The following PPP2R5C variants were observed in gnomAD, a reference collection of about 807,000 sequenced individuals.
The protein encoded by PPP2R5C is protein phosphatase 2 regulatory subunit B'gamma, also known as serine/threonine-protein phosphatase 2A 56 kDa regulatory subunit gamma isoform.
A neutral mutation model predicts 68.9 loss-of-function variants in PPP2R5C; 7 were observed. The ratio of observed to expected loss-of-function variants is 0.10; its 90% CI spans 0.06 to 0.19. The LOEUF (loss-of-function observed/expected upper bound fraction) is 0.19, where lower values mean the gene tolerates loss of function less well. PPP2R5C is among the 10% of genes least tolerant of loss of function. The pLI is 1.00. For synonymous variants in PPP2R5C, 210 were observed against 222.2 expected, an observed-to-expected ratio of 0.95 and a Z score of 0.49; for missense variants, 348 against 641.3, an observed-to-expected ratio of 0.54 and a Z score of 4.94.
intron 1 of PPP2R5C, chr14:101,831,917 A>G (rs1242676223): frequency 1.2e-5 from 7 of 573,088 alleles, no homozygotes; most frequent in African/African-American, 1.8e-5. Context: ...TTTAAGCAGC[A>G]ATATTATGAT....
intron 2 of PPP2R5C, among the ~76,000 whole-genome samples, chr14:101,875,275 T>A (rs562607738): frequency 1.3e-5 from 2 of 152,312 alleles, no homozygotes; most frequent in South Asian, 4.1e-4. Context: ...CTCTCTTCAC[T>A]GCCGAGCACT....
Position 101,825,721 on chromosome 14 carries a change from A to G in PPP2R5C, c.94+15685A>G, listed in dbSNP as rs533540075. ...TGTAGTTAGCCTGTTCAGTTTTTGT[A>G]GGTGAATGGTAAAGCTGTCAAAACC... is the stretch of plus-strand genomic sequence containing the variant. On this transcript the variant is annotated intron_variant, in intron 1 of 13. Transcript: ENST00000334743. This position sits in a 1 kb window ranked among gnomAD's most constrained non-coding sequence, Gnocchi z 4.0. Among the ~76,000 whole-genome samples the G allele has an allele frequency of 9.8e-5, 15 of 152,304 alleles. No individual in the cohort carries two copies. In the East Asian group the frequency reaches 2.9e-3, roughly 29 times the overall value.
chr14:101,846,034 G>T (rs1038482048), intron 1 of PPP2R5C, among the ~76,000 whole-genome samples: 1 of 152,180 alleles, frequency 6.6e-6, no homozygotes. Context: ...CAGCATCCCT[G>T]GTGACAGGAA....
chr14:101,764,581 C>T (rs1310046028), intron 2 of PPP2R5C, among the ~76,000 whole-genome samples: 1 of 152,124 alleles, frequency 6.6e-6, no homozygotes, highest in Non-Finnish European at 1.5e-5. Flanking sequence ...ATCTGTTGCC[C>T]TCCCCAAAGC....
chr14:101,796,980 C>A (rs1400305953), intron 3 of PPP2R5C: 2 of 312,390 alleles, frequency 6.4e-6, no homozygotes, highest in African/African-American at 4.5e-5. Flanking sequence ...CATAAGTGTA[C>A]AACTCGGTGG....
At chr14:101,788,504 C>T (rs1382605504) in intron 3 of PPP2R5C, among the ~76,000 whole-genome samples, 3 of 152,214 alleles carry the variant, frequency 2.0e-5, no homozygotes, top group Non-Finnish European at 4.4e-5. Context: ...CCTCTTTCTA[C>T]ATCTGTTCTA....
At chr14:101,890,149 G>A (rs941319973) in intron 5 of PPP2R5C, 88 bp from the exon 8 acceptor site, 5 of 1,218,748 alleles carry the variant, frequency 4.1e-6, no homozygotes, top group Admixed American at 1.9e-5. Context: ...GCTTCTTGTT[G>A]CCTGGCTCCA....
chr14:101,867,907 T>C (rs2043182082), intron 2 of PPP2R5C, among the ~76,000 whole-genome samples: 1 of 152,234 alleles, frequency 6.6e-6, no homozygotes, highest in African/African-American at 2.4e-5. Flanking sequence ...TAATCCGCAC[T>C]GTCTGTAAGT....
chr14:101,897,375 T>G (rs905139551), intron 8 of PPP2R5C, among the ~76,000 whole-genome samples: 3 of 151,730 alleles, frequency 2.0e-5, no homozygotes, highest in Non-Finnish European at 4.4e-5. Context: ...TCTGAGGTAT[T>G]CTCCAAACTG....
intron 3 of PPP2R5C, among the ~76,000 whole-genome samples, chr14:101,790,635 T>G (rs555545868): frequency 6.6e-6 from 1 of 152,390 alleles, no homozygotes; most frequent in South Asian, 2.1e-4. Context: ...CACCAGTTAA[T>G]GGACATTTGG....
At chr14:101,787,627 C>G (rs934287975) in intron 3 of PPP2R5C, among the ~76,000 whole-genome samples, 4 of 151,874 alleles carry the variant, frequency 2.6e-5, no homozygotes, top group Non-Finnish European at 1.5e-5. Flanking sequence ...ATTAGCCAGG[C>G]GTGGTGGCGG....
At chr14:101,849,231 T>C (rs1469436047) in intron 1 of PPP2R5C, among the ~76,000 whole-genome samples, 1 of 152,234 alleles carries the variant, frequency 6.6e-6, no homozygotes, top group Non-Finnish European at 1.5e-5. Flanking sequence ...TCGGTTGTGA[T>C]GGACGTGTAT....
intron 2 of PPP2R5C, among the ~76,000 whole-genome samples, chr14:101,861,220 T>C (rs2042716887): frequency 6.6e-6 from 1 of 152,228 alleles, no homozygotes; most frequent in Non-Finnish European, 1.5e-5. Context: ...AACTTTGACA[T>C]ATCTAGCAGT....
rs567058377 is a variant in PPP2R5C at position 101,909,095 on chromosome 14, C to T, written c.1152-494C>T. ...GAACAATTTGGCCTCTTTCCCTCTCCATGCGTGTCAGAGCCTGAGAGCTAA... is the reference window on the plus strand; with the variant it reads ...GAACAATTTGGCCTCTTTCCCTCTCTATGCGTGTCAGAGCCTGAGAGCTAA... On this transcript the variant is annotated intron_variant, in intron 10 of 13. Transcript: ENST00000334743. 2.6e-5 allele frequency among the ~76,000 whole-genome samples: 4 copies of T among 152,310 alleles called. No individual in the cohort carries two copies. In the East Asian group the frequency reaches 7.7e-4, roughly 29 times the overall value.
Position 101,915,882 on chromosome 14 carries a change from GAC to G in PPP2R5C, c.1327-1941_1327-1940del, listed in dbSNP as rs1383089161. On this transcript the variant is annotated intron_variant, in intron 12 of 13. Transcript: ENST00000334743. This position sits in a 1 kb window ranked among gnomAD's most constrained non-coding sequence, Gnocchi z 4.2. The stretch of plus-strand genomic sequence containing the variant: ...TTATTCGTTCCCATCTCTAAAGAAA[GAC>G]ACACACAGTACGGGGGCCTGGCCTC... Among the ~76,000 whole-genome samples the G allele has an allele frequency of 1.3e-5, 2 of 152,220 alleles. No individual in the cohort carries two copies. Among genetic ancestry groups the G allele is most frequent in the African/African-American group, 4.8e-5 (2 of 41,466 alleles).
rs779796692 is a variant in PPP2R5C, at chr14:101,883,281, T to G, written c.430T>G (p.Phe144Val). ...GCTTGTTTATGAATTTTTCTTAAGATTTTTAGAGTCTCCAGATTTCCAACC... is the reference window on the plus strand; with the variant it reads ...GCTTGTTTATGAATTTTTCTTAAGAGTTTTAGAGTCTCCAGATTTCCAACC... Residue 144 changes from phenylalanine to valine, a missense_variant, in exon 4 of 14, where the codon TTT becomes GTT. By Grantham distance (50) the Phe-to-Val change is conservative. This residue lies in a region of PPP2R5C where 54 missense variants were observed against 201.8 expected (regional missense o/e 0.27). Coordinates refer to ENST00000334743, the Ensembl canonical transcript of PPP2R5C. 6 of 1,575,316 alleles carry G rather than the reference T, an allele frequency of 3.8e-6. No homozygotes were observed. The highest frequency in any genetic ancestry group is 2.8e-5 in the African/African-American group (2 of 72,522).
chr14:101,924,374 G>C (rs368190031), intron 13 of PPP2R5C, among the ~76,000 whole-genome samples: 10 of 148,872 alleles, frequency 6.7e-5, no homozygotes, highest in African/African-American at 2.2e-4. Flanking sequence ...CAATTTGATA[G>C]AAGTTTGAAA....
chr14:101,827,716 G>A (rs2040481416), intron 1 of PPP2R5C, among the ~76,000 whole-genome samples: 1 of 152,066 alleles, frequency 6.6e-6, no homozygotes, highest in Admixed American at 6.5e-5. Flanking sequence ...ATCAGTTCTC[G>A]GCCATAAGTG....
chr14:101,776,722 C>G (rs1477855360), intron 2 of PPP2R5C, among the ~76,000 whole-genome samples: 1 of 152,154 alleles, frequency 6.6e-6, no homozygotes, highest in Non-Finnish European at 1.5e-5. Flanking sequence ...TTCCCCCAGC[C>G]TCTAGCAGCT....
Sources: allele counts gnomAD v4.1 joint callset (sites outside exome capture counted in the v4.1 genomes callset), GRCh38; gene constraint gnomAD v4.1.1; regional missense constraint gnomAD v4.1.1; non-coding constraint Gnocchi (gnomAD v3.1); transcripts MANE v1.5; gene names NCBI Gene and HGNC (gene_info 2026-07-23, HGNC 2026-07-21).